Variants in ZHX3 observed in about 807,000 individuals in gnomAD.
The protein encoded by ZHX3 is zinc fingers and homeoboxes protein 3.
In ZHX3, 20 loss-of-function variants were observed where a neutral mutation model predicts 64.5. The observed-to-expected ratio is 0.31, with a 90% CI of 0.22 to 0.45. The LOEUF is 0.45. Ranked by LOEUF, ZHX3 falls within the 20% of genes least tolerant of loss-of-function variation. ZHX3 has a pLI of 1.00. For missense variants in ZHX3, 1,041 were observed against 1,195.8 expected, an observed-to-expected ratio of 0.87 and a Z score of 1.91; for synonymous variants, 423 against 461.6, an observed-to-expected ratio of 0.92 and a Z score of 1.07.
At position 41,204,653 on chromosome 20, in the gene ZHX3, G is replaced by A. The variant is rs374156151; in HGVS notation, c.264C>T (p.Asp88=). 31 of 1,614,132 alleles carry A rather than the reference G, an allele frequency of 1.9e-5. No individual in the cohort carries two copies. Among genetic ancestry groups the A allele is most frequent in the Non-Finnish European group, 2.6e-5 (31 of 1,180,052 alleles). Residue 88 remains aspartate (D), a synonymous_variant, in exon 3 of 4, where the codon GAC becomes GAT. Transcript: ENST00000683867. The surrounding 1 kb of genome is among the most constrained non-coding windows in gnomAD (Gnocchi z 6.6). ...SCKYCDFRSH[D]MTQFVGHMNS... ...TCATATGTCCCACAAATTGGGTCATGTCATGGGATCTGAAATCGCAGTATT... is the reference window on the plus strand; with the variant it reads ...TCATATGTCCCACAAATTGGGTCATATCATGGGATCTGAAATCGCAGTATT...
At chr20:41,274,274 C>T (rs767849144) in intron 1 of ZHX3, among the ~76,000 whole-genome samples, 1 of 152,190 alleles carries the variant, frequency 6.6e-6, no homozygotes, top group African/African-American at 2.4e-5. Context: ...AACAGAGATG[C>T]ACGAAGCTTA....
intron 1 of ZHX3, among the ~76,000 whole-genome samples, chr20:41,306,491 C>T (rs146223084): frequency 3.3e-5 from 5 of 152,346 alleles, no homozygotes; most frequent in African/African-American, 1.2e-4. Flanking sequence ...CTATAAAGCT[C>T]TCATGGCTTT....
intron 2 of ZHX3, among the ~76,000 whole-genome samples, chr20:41,246,385 T>G (rs1419385258): frequency 6.6e-6 from 1 of 152,218 alleles, no homozygotes; most frequent in Non-Finnish European, 1.5e-5. Context: ...CCTTGAACAT[T>G]TTAAAATTAC....
At position 41,202,281 on chromosome 20, in the gene ZHX3, A is replaced by C; in HGVS notation, c.2636T>G (p.Val879Gly). 6.2e-7 allele frequency: 1 copy of C among 1,613,958 alleles called. No homozygotes were observed. Among genetic ancestry groups the C allele is most frequent in the South Asian group, 1.1e-5 (1 of 91,064 alleles). Residue 879 changes from valine (V) to glycine (G), a missense_variant, in exon 3 of 4, where the codon GTC (valine) becomes GGC (glycine). Val to Gly is a moderately radical substitution (Grantham distance 109). Coordinates refer to ENST00000683867, the MANE Select transcript of ZHX3 (RefSeq NM_001384317.1). The surrounding 1 kb of genome is among the most constrained non-coding windows in gnomAD (Gnocchi z 7.0). ...CATTTTCTCAGCAAACCACTGCTTGACCTGCTGGGAGCTCATCTGGGTCTT... is the reference window on the plus strand; with the variant it reads ...CATTTTCTCAGCAAACCACTGCTTGCCCTGCTGGGAGCTCATCTGGGTCTT... ...CDKTQMSSQQ[V>G]KQWFAEKMGE...
chr20:41,216,356 C>T (rs1302449167), intron 2 of ZHX3, among the ~76,000 whole-genome samples: 1 of 152,154 alleles, frequency 6.6e-6, no homozygotes, highest in East Asian at 1.9e-4. Flanking sequence ...GAAAATCCTT[C>T]CTATTCACCC....
At position 41,202,080 on chromosome 20, in the gene ZHX3, C is replaced by T. The variant is rs769247244; in HGVS notation, c.2837G>A (p.Ser946Asn). The T allele has an allele frequency of 1.9e-6, 3 of 1,605,542 alleles. No individual in the cohort carries two copies. The highest frequency in any genetic ancestry group is 2.6e-6 in the Non-Finnish European group (3 of 1,175,028). The change falls in exon 3 of 4, where the codon AGT (serine) becomes AAT (asparagine). Residue 946 changes from serine (S) to asparagine (N), a missense_variant. Transcript: ENST00000683867. This position sits in a 1 kb window ranked among gnomAD's most constrained non-coding sequence, Gnocchi z 7.0. ...ACCGAGCTGACGTCCAGCCTGGGGA[C>T]TCGATGTGTCAAAGGGCTCTGAGCT... The part of the protein sequence containing the change: ...EASSEPFDTS[S>N]PQAGRQLETD
chr20:41,207,292 C>T (rs1047297734), intron 2 of ZHX3, among the ~76,000 whole-genome samples: 20 of 152,254 alleles, frequency 1.3e-4, no homozygotes, highest in African/African-American at 4.8e-4. Context: ...ATCAAATTCA[C>T]ACATAACAAT....
chr20:41,299,790 A>G (rs1306997823), intron 1 of ZHX3, among the ~76,000 whole-genome samples: 1 of 149,218 alleles, frequency 6.7e-6, no homozygotes, highest in Non-Finnish European at 1.5e-5. Context: ...TGAACCTGGA[A>G]GGCAGAGGTT....
chr20:41,288,635 A>C (rs1314913571), intron 1 of ZHX3, among the ~76,000 whole-genome samples: 2 of 152,290 alleles, frequency 1.3e-5, no homozygotes, highest in African/African-American at 4.8e-5. Context: ...TTTTGAAAAA[A>C]ATTTTATGAC....
At chr20:41,241,510 T>G (rs1327000719) in intron 2 of ZHX3, among the ~76,000 whole-genome samples, 2 of 152,248 alleles carry the variant, frequency 1.3e-5, no homozygotes, top group East Asian at 3.8e-4. Context: ...CTTTTTAACT[T>G]GATGTGATTC....
At chr20:41,234,606 C>G (rs1309936359) in intron 2 of ZHX3, among the ~76,000 whole-genome samples, 1 of 152,242 alleles carries the variant, frequency 6.6e-6, no homozygotes, top group Non-Finnish European at 1.5e-5. Context: ...CTTGAGCACT[C>G]AGAAGAATTT....
intron 1 of ZHX3, among the ~76,000 whole-genome samples, chr20:41,299,680 G>C (rs1271628570): frequency 6.6e-6 from 1 of 151,860 alleles, no homozygotes; most frequent in East Asian, 1.9e-4. Context: ...TTGCCAACAC[G>C]GCGAAACCCT....
intron 1 of ZHX3, among the ~76,000 whole-genome samples, chr20:41,286,312 G>A (rs982373555): frequency 2.0e-5 from 3 of 152,032 alleles, no homozygotes; most frequent in Admixed American, 1.3e-4. Flanking sequence ...TTTGAAAAAA[G>A]CCATTTCACT....
intron 1 of ZHX3, among the ~76,000 whole-genome samples, chr20:41,314,091 T>C (rs1016833688): frequency 1.3e-5 from 2 of 152,222 alleles, no homozygotes; most frequent in Admixed American, 6.5e-5. Context: ...AAATGAAAAG[T>C]AGTCTACCTG....
At position 41,237,055 on chromosome 20, in the gene ZHX3, A is replaced by G. The variant is rs545846741; in HGVS notation, c.-151+31935T>C. Among the ~76,000 whole-genome samples the G allele has an allele frequency of 2.0e-5, 3 of 152,348 alleles. No individual in the cohort carries two copies. In the South Asian group the frequency reaches 6.2e-4, roughly 32 times the overall value. On this transcript the variant is annotated intron_variant, in intron 2 of 3. Coordinates refer to ENST00000683867, the MANE Select transcript of ZHX3 (RefSeq NM_001384317.1). ...TATCAGAGCAATGCAAATCAAAACCACAATGAGATACCATCTCACACCAGT... is the reference window on the plus strand; with the variant it reads ...TATCAGAGCAATGCAAATCAAAACCGCAATGAGATACCATCTCACACCAGT...
At position 41,302,035 on chromosome 20, in the gene ZHX3, C is replaced by T. The variant is rs1340313218; in HGVS notation, c.-245+15474G>A. On this transcript the variant is annotated intron_variant, in intron 1 of 3. Coordinates refer to ENST00000683867, the MANE Select transcript of ZHX3 (RefSeq NM_001384317.1). ...CGCCACTGCACTCCAGCCTGGGCGA[C>T]GGAGCGAGACTCCATCTCAAAAAAA... is the stretch of plus-strand genomic sequence containing the variant. 2.5e-5 allele frequency among the ~76,000 whole-genome samples: 3 copies of T among 120,954 alleles called. No homozygotes were observed. The South Asian group carries it at 7.8e-4, about 31-fold the overall frequency. The allele number at this position is 120,954 out of a possible 152,430, so 79.4% of individuals were successfully genotyped here.
rs529701035 is a variant in ZHX3, at chr20:41,236,622, A to G, written c.-150-31556T>C. Among the ~76,000 whole-genome samples the G allele has an allele frequency of 7.2e-5, 11 of 152,366 alleles. No individual in the cohort carries two copies. In the South Asian group the frequency reaches 1.0e-3, roughly 14 times the overall value. The stretch of plus-strand genomic sequence containing the variant: ...TTACACCTTATACAAAAATTAATTC[A>G]AGATGGATTAAAGACTTAAATGTTA... On this transcript the variant is annotated intron_variant, in intron 2 of 3. Transcript: ENST00000683867.
At chr20:41,299,776 C>T (rs181855779) in intron 1 of ZHX3, among the ~76,000 whole-genome samples, 7 of 149,942 alleles carry the variant, frequency 4.7e-5, no homozygotes, top group Non-Finnish European at 8.9e-5. Flanking sequence ...GCAGGAGAAT[C>T]GCTTGAACCT....
chr20:41,281,012 A>G (rs1306043638), intron 1 of ZHX3, among the ~76,000 whole-genome samples: 1 of 152,198 alleles, frequency 6.6e-6, no homozygotes, highest in East Asian at 1.9e-4. Context: ...ATGTATAACA[A>G]TATTGAAAAA....
Sources: gnomAD v4.1 joint callset for allele counts (sites outside exome capture counted in the v4.1 genomes callset) on GRCh38, gnomAD v4.1.1 for gene constraint, Gnocchi (gnomAD v3.1) non-coding constraint, MANE v1.5 for transcripts, NCBI Gene and HGNC (gene_info 2026-07-23, HGNC 2026-07-21) for gene names.